The following PRLR variants were observed in gnomAD, a reference collection of about 807,000 sequenced individuals.
PRLR encodes the protein prolactin receptor.
In PRLR, 13 loss-of-function variants were observed where a neutral mutation model predicts 40.2. That is an observed-to-expected ratio of 0.32 (90% CI 0.21 to 0.51). The LOEUF (loss-of-function observed/expected upper bound fraction) is 0.51. PRLR is among the 20% of genes least tolerant of loss of function. PRLR has a pLI of 0.97. For missense variants in PRLR, 656 were observed against 747.3 expected (o/e 0.88, Z 1.42); for synonymous variants, 269 against 278.7 (o/e 0.97, Z 0.35).
In PRLR at chr5:35,062,424, C is replaced by T. The variant is rs1769096445; in HGVS notation, c.*2665G>A. On this transcript the variant is annotated 3_prime_UTR_variant, in exon 10 of 10. Coordinates refer to ENST00000618457, the MANE Select transcript of PRLR (RefSeq NM_000949.7). ...ATCCTTCCATTTGAACAGCTGTCTCCTTGATAGACCACAAAAAAACTTTTT... is the reference window on the plus strand; with the variant it reads ...ATCCTTCCATTTGAACAGCTGTCTCTTTGATAGACCACAAAAAAACTTTTT... The T allele has an allele frequency of 6.6e-6, 1 of 152,182 alleles. No individual in the cohort carries two copies. Among genetic ancestry groups the T allele is most frequent in the Admixed American group, 6.6e-5 (1 of 15,258 alleles). 9.4% of individuals were successfully genotyped at this position (152,182 alleles called of 1,614,324 possible).
chr5:35,054,845 GA>G (rs1393902914), downstream of PRLR, among the ~76,000 whole-genome samples: 1 of 152,208 alleles, frequency 6.6e-6, no homozygotes, highest in African/African-American at 2.4e-5. Context: ...AGATAAATAT[GA>G]GGTGAATGCA....
At chr5:35,129,440 T>C (rs1191134751) in intron 1 of PRLR, among the ~76,000 whole-genome samples, 1 of 152,174 alleles carries the variant, frequency 6.6e-6, no homozygotes, top group Non-Finnish European at 1.5e-5. Flanking sequence ...ACTGTGGAAC[T>C]GTACAACTCA....
At chr5:35,084,428 T>C in intron 5 of PRLR, 42 bp downstream of exon 5, 9 of 1,511,516 alleles carry the variant, frequency 6.0e-6, no homozygotes, top group East Asian at 2.4e-5. Flanking sequence ...GGCTAATACA[T>C]AGTGGAGTAA....
intron 1 of PRLR, among the ~76,000 whole-genome samples, chr5:35,185,131 C>T (rs536998178): frequency 6.6e-6 from 1 of 152,308 alleles, no homozygotes; most frequent in Non-Finnish European, 1.5e-5. Context: ...TTTAGTTTTG[C>T]TCTCTAGGCT....
At chr5:35,197,024 G>T (rs189292941) in intron 1 of PRLR, among the ~76,000 whole-genome samples, 341 of 152,220 alleles carry the variant, frequency 2.2e-3, no homozygotes, top group African/African-American at 7.9e-3. Context: ...CCATTATATT[G>T]GGGGTTAGGA....
At chr5:35,223,935 T>C (rs1339736818) in intron 1 of PRLR, among the ~76,000 whole-genome samples, 1 of 152,192 alleles carries the variant, frequency 6.6e-6, no homozygotes, top group Non-Finnish European at 1.5e-5. Context: ...GGAAAGCTCA[T>C]TATTTTCTTA....
chr5:35,125,555 T>G (rs2111749259), intron 1 of PRLR, among the ~76,000 whole-genome samples: 1 of 152,360 alleles, frequency 6.6e-6, no homozygotes, highest in Admixed American at 6.5e-5. Flanking sequence ...TCTTAAAATG[T>G]TATCTTTGTC....
intron 1 of PRLR, among the ~76,000 whole-genome samples, chr5:35,139,356 A>C (rs1773948034): frequency 6.6e-6 from 1 of 152,046 alleles, no homozygotes; most frequent in South Asian, 2.1e-4. Flanking sequence ...GGCTGGTCTC[A>C]AACTCCTGAC....
In PRLR at chr5:35,168,452, T is replaced by A. The variant is rs371707701; in HGVS notation, c.-105-50330A>T. ...ATATTCACCAAGGCCATATCCTGAA[T>A]CATAACATTGTTTCAGCAAATTTCA... On this transcript the variant is annotated intron_variant, in intron 1 of 9. Coordinates refer to ENST00000618457, the MANE Select transcript of PRLR (RefSeq NM_000949.7). Among the ~76,000 whole-genome samples, 20 of 152,166 alleles carry A rather than the reference T, an allele frequency of 1.3e-4. No individual in the cohort carries two copies. In the South Asian group the frequency reaches 4.1e-3, roughly 32 times the overall value.
intron 4 of PRLR, among the ~76,000 whole-genome samples, chr5:35,085,328 G>C (rs913521155): frequency 6.6e-6 from 1 of 152,186 alleles, no homozygotes; most frequent in Admixed American, 6.5e-5. Context: ...TTTCAGCCGG[G>C]ATGACAGTTT....
chr5:35,099,675 G>C (rs1412461764), intron 2 of PRLR, among the ~76,000 whole-genome samples: 1 of 152,150 alleles, frequency 6.6e-6, no homozygotes, highest in Non-Finnish European at 1.5e-5. Context: ...AGATGTGGAG[G>C]TGAAAGACAG....
At chr5:35,181,688 A>G (rs776010433) in intron 1 of PRLR, among the ~76,000 whole-genome samples, 125 of 152,190 alleles carry the variant, frequency 8.2e-4, no homozygotes, top group Non-Finnish European at 1.3e-3. Flanking sequence ...TCCCTTTTTT[A>G]TGATTAATGG....
intron 1 of PRLR, among the ~76,000 whole-genome samples, chr5:35,213,162 T>C (rs1776210759): frequency 6.6e-6 from 1 of 152,222 alleles, no homozygotes; most frequent in Non-Finnish European, 1.5e-5. Flanking sequence ...GTGAAAAATG[T>C]CCTGATCAAC....
chr5:35,127,161 C>G (rs759841392), intron 1 of PRLR, among the ~76,000 whole-genome samples: 20 of 152,212 alleles, frequency 1.3e-4, no homozygotes, highest in Non-Finnish European at 2.2e-4. Flanking sequence ...CTGATGCCAA[C>G]AGACAGGACC....
intron 1 of PRLR, among the ~76,000 whole-genome samples, chr5:35,126,983 C>T (rs1773491851): frequency 1.3e-5 from 2 of 152,190 alleles, no homozygotes; most frequent in African/African-American, 2.4e-5. Flanking sequence ...GGCCTCTACT[C>T]CTCATGTAAG....
intron 4 of PRLR, among the ~76,000 whole-genome samples, chr5:35,085,917 A>C (rs1020479853): frequency 1.3e-5 from 2 of 152,118 alleles, no homozygotes; most frequent in African/African-American, 4.8e-5. Context: ...GCAAGTGATG[A>C]AGTCTCAGGG....
intron 1 of PRLR, among the ~76,000 whole-genome samples, chr5:35,189,954 AG>A (rs1775556638): frequency 6.6e-6 from 1 of 152,300 alleles, no homozygotes; most frequent in Admixed American, 6.5e-5. Flanking sequence ...TTCCCAGTCC[AG>A]GGTTTTCCTG....
intron 1 of PRLR, among the ~76,000 whole-genome samples, chr5:35,175,183 G>A (rs551794146): frequency 6.6e-6 from 1 of 152,244 alleles, no homozygotes; most frequent in South Asian, 2.1e-4. Context: ...GTTGTGGGAG[G>A]GACCTGGTGG....
chr5:35,141,948 C>T (rs1774038735), intron 1 of PRLR, among the ~76,000 whole-genome samples: 1 of 152,188 alleles, frequency 6.6e-6, no homozygotes, highest in Non-Finnish European at 1.5e-5. Flanking sequence ...GGATCCTGCC[C>T]ACCTGTGTGA....
Sources: gnomAD v4.1 joint callset for allele counts (sites outside exome capture counted in the v4.1 genomes callset) on GRCh38, gnomAD v4.1.1 for gene constraint, MANE v1.5 for transcripts, NCBI Gene and HGNC (gene_info 2026-07-23, HGNC 2026-07-21) for gene names.